The following ATL1 variants were observed in gnomAD, a reference collection of about 807,000 sequenced individuals.
The protein encoded by ATL1 is atlastin GTPase 1.
In ATL1, 31 loss-of-function variants were observed where a neutral mutation model predicts 75.5. The observed-to-expected ratio is 0.41, with a 90% CI of 0.31 to 0.55. The LOEUF is 0.55. Ranked by LOEUF, ATL1 falls within the 20% of genes least tolerant of loss-of-function variation. The pLI is 0.27. For missense variants in ATL1, 405 were observed against 662.6 expected (o/e 0.61, Z 4.27); for synonymous variants, 226 against 233.3 (o/e 0.97, Z 0.28).
chr14:50,626,588 AC>A (rs1281887428), intron 11 of ATL1, among the ~76,000 whole-genome samples: 2 of 152,236 alleles, frequency 1.3e-5, no homozygotes, highest in African/African-American at 2.4e-5. Flanking sequence ...GATGCTGTGA[AC>A]AGTGTTGAAA....
chr14:50,538,967 G>A (rs562301400), intron 1 of ATL1, among the ~76,000 whole-genome samples: 12 of 152,260 alleles, frequency 7.9e-5, no homozygotes, highest in Admixed American at 2.6e-4. Context: ...CTATGGGTGC[G>A]CACCACTGTG....
chr14:50,600,829 T>C (rs1278570535), intron 6 of ATL1, among the ~76,000 whole-genome samples: 1 of 152,110 alleles, frequency 6.6e-6, no homozygotes, highest in Non-Finnish European at 1.5e-5. Flanking sequence ...AGGCCAGGTG[T>C]GGTGGCTCAT....
intron 1 of ATL1, among the ~76,000 whole-genome samples, chr14:50,568,464 C>G (rs2038924891): frequency 1.3e-5 from 2 of 151,966 alleles, no homozygotes; most frequent in Admixed American, 1.3e-4. Flanking sequence ...TAAAGGCTAT[C>G]TTTTCTGATA....
At position 50,587,841 on chromosome 14, in the gene ATL1, G is replaced by A. The variant is rs775540772; in HGVS notation, c.45G>A (p.Ser15=). The change falls in exon 2 of 14, where the codon TCG becomes TCA. Residue 15 remains serine (S), a synonymous_variant. Coordinates refer to ENST00000358385, the MANE Select transcript of ATL1 (RefSeq NM_015915.5). The part of the protein sequence containing the change: ...RRDRNSWGGF[S]EKTYEWSSEE... ...TGCTCTGTTCAACAGGTGGATTTTC[G>A]GAAAAGACATATGAATGGAGCTCAG... 6.0e-5 allele frequency: 97 copies of A among 1,614,008 alleles called. No homozygotes were observed. The Middle Eastern group carries it at 1.2e-3, about 19-fold the overall frequency.
At chr14:50,619,514 A>G (rs1468969906) in intron 8 of ATL1, among the ~76,000 whole-genome samples, 1 of 152,152 alleles carries the variant, frequency 6.6e-6, no homozygotes, top group East Asian at 1.9e-4. Flanking sequence ...CAATTTTTCC[A>G]TATATTTGAA....
At position 50,609,877 on chromosome 14, in the gene ATL1, G is replaced by T. The variant is rs188452152; in HGVS notation, c.631-3382G>T. Reference sequence around the variant, plus strand: ...AGAAAACTGTTATAAAGTTATGTTAGTTATTTTTCTGGATTTTTTTTGTTC... The same window carrying T: ...AGAAAACTGTTATAAAGTTATGTTATTTATTTTTCTGGATTTTTTTTGTTC... On this transcript the variant is annotated intron_variant, in intron 6 of 13. Transcript: ENST00000358385. Among the ~76,000 whole-genome samples, 40 of 152,120 alleles carry T rather than the reference G, an allele frequency of 2.6e-4. 1 individual carries two copies. The highest frequency in any genetic ancestry group is 2.3e-3 in the Admixed American group (35 of 15,260).
chr14:50,582,115 T>C (rs1015989914), intron 1 of ATL1, among the ~76,000 whole-genome samples: 3 of 151,778 alleles, frequency 2.0e-5, no homozygotes, highest in African/African-American at 7.3e-5. Context: ...ACCCCATCTC[T>C]ACTAAAAATA....
At chr14:50,630,780 A>G (rs1385380757) in intron 13 of ATL1, among the ~76,000 whole-genome samples, 1 of 152,246 alleles carries the variant, frequency 6.6e-6, no homozygotes, top group African/African-American at 2.4e-5. Context: ...TGCAAAATTC[A>G]GTAAGCAAGT....
intron 1 of ATL1, among the ~76,000 whole-genome samples, chr14:50,564,173 A>G (rs1012453364): frequency 1.3e-5 from 2 of 152,216 alleles, no homozygotes; most frequent in Non-Finnish European, 2.9e-5. Flanking sequence ...CAGAAACAGT[A>G]GCCCAGAAAG....
At position 50,628,371 on chromosome 14, in the gene ATL1, C is replaced by T. The variant is rs778172917; in HGVS notation, c.1460C>T (p.Thr487Ile). Residue 487 changes from threonine to isoleucine, a missense_variant, in exon 12 of 14, where the codon ACC (threonine) becomes ATC (isoleucine). Transcript: ENST00000358385. ...CNMIMGLTLI[T>I]LCTWAYIRYS... ...ATGATAATGGGACTGACCCTTATCACCCTGTGCACTTGGGCATATATCCGG... is the reference window on the plus strand; with the variant it reads ...ATGATAATGGGACTGACCCTTATCATCCTGTGCACTTGGGCATATATCCGG... 6.2e-7 allele frequency: 1 copy of T among 1,614,140 alleles called. No homozygotes were observed. Among genetic ancestry groups the T allele is most frequent in the Admixed American group, 1.7e-5 (1 of 60,016 alleles).
In ATL1 at chr14:50,628,267, T is replaced by C; in HGVS notation, c.1356T>C (p.Phe452=). 1 of 1,614,192 alleles carries C rather than the reference T, an allele frequency of 6.2e-7. No individual in the cohort carries two copies. Among genetic ancestry groups the C allele is most frequent in the Non-Finnish European group, 8.5e-7 (1 of 1,180,028 alleles). The change falls in exon 12 of 14, where the codon TTT becomes TTC. Residue 452 remains phenylalanine (F), a synonymous_variant. Transcript: ENST00000358385. ...FHAARTPATL[F]VVIFITYVIA... The stretch of plus-strand genomic sequence containing the variant: ...CAGCTCGTACCCCAGCCACACTGTT[T>C]GTAGTCATCTTTATCACATATGTGA...
intron 13 of ATL1, among the ~76,000 whole-genome samples, chr14:50,630,370 G>A (rs935024255): frequency 2.0e-5 from 3 of 152,196 alleles, no homozygotes; most frequent in Admixed American, 6.5e-5. Context: ...CTACTGGAGG[G>A]TATTTATTTA....
At chr14:50,570,395 A>G (rs1215411715) in intron 1 of ATL1, among the ~76,000 whole-genome samples, 3 of 151,932 alleles carry the variant, frequency 2.0e-5, no homozygotes, top group Non-Finnish European at 4.4e-5. Flanking sequence ...CTTCTTTTAA[A>G]GATAGGGTCT....
At chr14:50,555,833 A>G (rs1448594882), upstream of ATL1, among the ~76,000 whole-genome samples, 1 of 152,174 alleles carries the variant, frequency 6.6e-6, no homozygotes, top group Non-Finnish European at 1.5e-5. Flanking sequence ...ATTTTGTGTT[A>G]CCGCCAAAAG....
At chr14:50,575,235 A>G (rs1032405766) in intron 1 of ATL1, among the ~76,000 whole-genome samples, 14 of 151,840 alleles carry the variant, frequency 9.2e-5, no homozygotes, top group Admixed American at 5.9e-4. Context: ...TGAATGGTTT[A>G]TGGAATTCTT....
At chr14:50,559,919 G>T (rs766002125), upstream of ATL1, 22 of 372,406 alleles carry the variant, frequency 5.9e-5, no homozygotes, top group East Asian at 9.6e-4. Flanking sequence ...TAAATTCTTT[G>T]AGAGTGTGTT....
At chr14:50,562,989 C>A (rs764923318) in intron 1 of ATL1, among the ~76,000 whole-genome samples, 7 of 152,170 alleles carry the variant, frequency 4.6e-5, no homozygotes, top group Non-Finnish European at 8.8e-5. Context: ...CTGTAATACT[C>A]ATTTTACATA....
At chr14:50,571,083 G>A (rs1048096454) in intron 1 of ATL1, among the ~76,000 whole-genome samples, 6 of 152,136 alleles carry the variant, frequency 3.9e-5, no homozygotes, top group African/African-American at 1.4e-4. Context: ...AAAGGAACCT[G>A]CCCTTTAAGT....
chr14:50,603,882 G>A (rs1041304548), intron 6 of ATL1, among the ~76,000 whole-genome samples: 1 of 152,122 alleles, frequency 6.6e-6, no homozygotes, highest in Non-Finnish European at 1.5e-5. Flanking sequence ...CAATTTAGGT[G>A]ATCTGAGAGC....
Sources: gnomAD v4.1 joint callset for allele counts (sites outside exome capture counted in the v4.1 genomes callset) on GRCh38, gnomAD v4.1.1 for gene constraint, MANE v1.5 for transcripts, NCBI Gene and HGNC (gene_info 2026-07-23, HGNC 2026-07-21) for gene names.